Variants in NEBL observed in about 807,000 individuals in gnomAD.
NEBL encodes LIM and SH3 protein 2.
NEBL carries 122 observed loss-of-function variants against 140.2 expected under a neutral mutation model. The observed-to-expected ratio is 0.87, with a 90% CI of 0.75 to 1.01. The LOEUF (loss-of-function observed/expected upper bound fraction) is 1.01. Among genes scored for constraint, NEBL ranks in the 50% least tolerant of loss-of-function variants. The probability of loss-of-function intolerance (pLI) is 0.00; values close to 1 mark genes in which losing one functional copy is unlikely to be tolerated. For missense variants in NEBL, 1,365 were observed against 1,231.3 expected, an observed-to-expected ratio of 1.11 and a Z score of -1.62; for synonymous variants, 436 against 398.9, an observed-to-expected ratio of 1.09 and a Z score of -1.11.
chr10:21,063,385 T>A (rs1249427984), intron 2 of NEBL, among the ~76,000 whole-genome samples: 3 of 152,192 alleles, frequency 2.0e-5, no homozygotes, highest in Admixed American at 1.3e-4. Context: ...AGTTAATCAC[T>A]AATAGTCACG....
chr10:21,012,743 G>T (rs947308902), intron 3 of NEBL, among the ~76,000 whole-genome samples: 2 of 152,094 alleles, frequency 1.3e-5, no homozygotes, highest in African/African-American at 4.8e-5. Context: ...ACAAGGGCCA[G>T]TTACCAGACT....
At chr10:20,792,934 T>C (rs1261841023) in intron 26 of NEBL, among the ~76,000 whole-genome samples, 1 of 152,184 alleles carries the variant, frequency 6.6e-6, no homozygotes, top group African/African-American at 2.4e-5. Context: ...GAGTTTCATG[T>C]CAAAGCCTCA....
intron 4 of NEBL, among the ~76,000 whole-genome samples, chr10:20,918,616 C>T (rs756291325): frequency 3.3e-5 from 5 of 151,698 alleles, no homozygotes; most frequent in African/African-American, 7.3e-5. Context: ...TTTGGGAGGC[C>T]GACGGGGGCA....
chr10:20,870,978 T>C (rs551292006), intron 5 of NEBL, among the ~76,000 whole-genome samples: 100 of 152,342 alleles, frequency 6.6e-4, no homozygotes, highest in Non-Finnish European at 1.3e-3. Flanking sequence ...TTTCTTGCGA[T>C]TTGTCTTGAG....
At chr10:20,899,376 A>G (rs1368146516), upstream of NEBL, 3 of 1,301,324 alleles carry the variant, frequency 2.3e-6, no homozygotes, top group Non-Finnish European at 1.0e-6. Context: ...AAGGTGAATT[A>G]CCTTCATCAG....
At chr10:20,963,057 G>C (rs1044098728) in intron 3 of NEBL, among the ~76,000 whole-genome samples, 2 of 147,094 alleles carry the variant, frequency 1.4e-5, no homozygotes, top group Non-Finnish European at 3.0e-5. Context: ...CGGAAATCTA[G>C]ATACTCTCAT....
intron 4 of NEBL, among the ~76,000 whole-genome samples, chr10:20,906,068 G>T (rs1342773266): frequency 6.6e-6 from 1 of 152,102 alleles, no homozygotes; most frequent in Non-Finnish European, 1.5e-5. Context: ...AAAATTCTTA[G>T]TGAAGAAAGT....
upstream of NEBL, among the ~76,000 whole-genome samples, chr10:21,175,344 G>A (rs748308213): frequency 2.0e-5 from 3 of 152,126 alleles, no homozygotes; most frequent in Non-Finnish European, 2.9e-5. Context: ...TGCTTCAATC[G>A]GCCTGGCTCA....
rs148793989 is a variant in NEBL at position 20,958,659 on chromosome 10, C to G, written c.357+3013G>C. Among the ~76,000 whole-genome samples the G allele has an allele frequency of 2.9e-3, 442 of 152,222 alleles. 2 individuals carry two copies. Among genetic ancestry groups the G allele is most frequent in the African/African-American group, 8.1e-3 (337 of 41,532 alleles). ...AATAATTTTGCTTTATTTTAGAAGC[C>G]AAGTTCTTTTTCTTCCCAGCCATTT... On this transcript the variant is annotated intron_variant, in intron 4 of 6. Transcript: ENST00000417816.
At chr10:21,023,394 C>A (rs10764301) in intron 2 of NEBL, among the ~76,000 whole-genome samples, 4 of 151,890 alleles carry the variant, frequency 2.6e-5, no homozygotes, top group African/African-American at 9.7e-5. Flanking sequence ...TGCCATTTAC[C>A]TTTAATTTAA....
chr10:21,220,342 C>T (rs1842051038), intron 3 of NEBL, among the ~76,000 whole-genome samples: 1 of 152,222 alleles, frequency 6.6e-6, no homozygotes, highest in South Asian at 2.1e-4. Flanking sequence ...CAGATAAATC[C>T]ACACTATTAT....
intron 3 of NEBL, among the ~76,000 whole-genome samples, chr10:21,214,511 T>C (rs888738987): frequency 5.4e-5 from 8 of 147,266 alleles, no homozygotes; most frequent in East Asian, 2.1e-4. Context: ...TGCACACACA[T>C]GCACACATGC....
chr10:20,888,214 GAA>G lies in NEBL; in HGVS notation c.259-9_259-8del. 1 of 1,404,508 alleles carries G rather than the reference GAA, an allele frequency of 7.1e-7. No homozygotes were observed. Among genetic ancestry groups the G allele is most frequent in the South Asian group, 1.2e-5 (1 of 81,614 alleles). The allele number at this position is 1,404,508 out of a possible 1,614,324, so 87.0% of individuals were successfully genotyped here. A position where few individuals can be genotyped will look rare whatever the true frequency, so the allele number is the denominator to read the frequency against. On this transcript the variant is annotated splice_polypyrimidine_tract_variant and splice_region_variant and intron_variant, in intron 3 of 27. Coordinates refer to ENST00000377122, the MANE Select transcript of NEBL (RefSeq NM_006393.3). ...TGGTGCCTTTGTATTTTGCCTGGGG[GAA>G]AAAAAAACAGGAAAAAAATAAATAA...
At position 20,787,256 on chromosome 10, in the gene NEBL, G is replaced by A; in HGVS notation, c.2814C>T (p.Tyr938=). The change falls in exon 27 of 28, where the codon TAC becomes TAT. Residue 938 remains tyrosine, a synonymous_variant. Transcript: ENST00000377122. ...YQQSHSQGYG[Y]MHQTSVSSMR... The stretch of plus-strand genomic sequence containing the variant: ...TGGATGACACACTGGTCTGGTGCAT[G>A]TAGCCATAGCCTTGGGAATGGCTTT... The A allele has an allele frequency of 6.2e-7, 1 of 1,613,594 alleles. No homozygotes were observed. Among genetic ancestry groups the A allele is most frequent in the South Asian group, 1.1e-5 (1 of 90,970 alleles).
intron 3 of NEBL, among the ~76,000 whole-genome samples, chr10:21,004,706 C>A (rs1379763174): frequency 6.7e-6 from 1 of 149,180 alleles, no homozygotes; most frequent in African/African-American, 2.5e-5. Flanking sequence ...GGGCACAAAG[C>A]GAGACTCATC....
chr10:21,174,013 C>T, exon 1 of NEBL: 1 of 1,162,848 alleles, frequency 8.6e-7, no homozygotes. Context: ...CGGGGCCTGG[C>T]GCCTGGGGCC....
chr10:20,848,312 A>G (rs2131032285), intron 11 of NEBL, among the ~76,000 whole-genome samples: 1 of 152,364 alleles, frequency 6.6e-6, no homozygotes, highest in Non-Finnish European at 1.5e-5. Flanking sequence ...ATTCCATTAA[A>G]TGTAAATTTT....
intron 2 of NEBL, among the ~76,000 whole-genome samples, chr10:21,130,229 T>C (rs1839039524): frequency 6.6e-6 from 1 of 152,046 alleles, no homozygotes; most frequent in South Asian, 2.1e-4. Flanking sequence ...ATGCACCTAA[T>C]GACAGAGCAT....
chr10:21,079,547 T>G (rs937696436), intron 2 of NEBL, among the ~76,000 whole-genome samples: 1 of 152,144 alleles, frequency 6.6e-6, no homozygotes, highest in African/African-American at 2.4e-5. Context: ...CACACAGCCT[T>G]CAGAGGGCTT....
Sources: gnomAD v4.1 joint callset for allele counts (sites outside exome capture counted in the v4.1 genomes callset) on GRCh38, gnomAD v4.1.1 for gene constraint, MANE v1.5 for transcripts, NCBI Gene and HGNC (gene_info 2026-07-23, HGNC 2026-07-21) for gene names.